Variants in ACYP2 observed in about 807,000 individuals in gnomAD.
ACYP2 encodes the protein acylphosphatase 2, also known as acylphosphatase-2.
Under a neutral mutation model 11.2 loss-of-function variants are expected in ACYP2, and 12 were observed. That is an observed-to-expected ratio of 1.08 (90% CI 0.69 to 1.74). The LOEUF (loss-of-function observed/expected upper bound fraction) is 1.74. Ranked by LOEUF, ACYP2 falls within the 40% of genes most tolerant of loss-of-function variation. ACYP2 has a pLI of 0.00. For synonymous variants in ACYP2, 43 were observed against 32.2 expected, an observed-to-expected ratio of 1.33 and a Z score of -1.13; for missense variants, 134 against 101.9, an observed-to-expected ratio of 1.31 and a Z score of -1.35.
At chr2:53,990,527 T>C (rs1558456459) in intron 2 of ACYP2, among the ~76,000 whole-genome samples, 2 of 150,750 alleles carry the variant, frequency 1.3e-5, no homozygotes. Flanking sequence ...CGGCCACCTG[T>C]AATCCCAGCT....
intron 5 of ACYP2, among the ~76,000 whole-genome samples, chr2:54,137,616 TC>T (rs1437871592): frequency 2.0e-5 from 3 of 152,212 alleles, no homozygotes; most frequent in Non-Finnish European, 2.9e-5. Context: ...ATGATCTCAT[TC>T]TTTTTTATGG....
intron 6 of ACYP2, chr2:54,255,860 G>C: frequency 1.9e-6 from 3 of 1,613,980 alleles, no homozygotes; most frequent in Non-Finnish European, 2.5e-6. Flanking sequence ...GCCGCTTCTA[G>C]GCCCTCCGCG....
chr2:54,024,697 T>C (rs1341548410), intron 2 of ACYP2, among the ~76,000 whole-genome samples: 1 of 152,146 alleles, frequency 6.6e-6, no homozygotes, highest in Admixed American at 6.6e-5. Flanking sequence ...ATGCCCTCTT[T>C]CACCACTTCT....
chr2:54,142,496 G>C (rs989295862), intron 6 of ACYP2: 1 of 152,226 alleles, frequency 6.6e-6, no homozygotes, highest in Non-Finnish European at 1.5e-5. Flanking sequence ...GCTGAGGCGG[G>C]CGGATCACTT....
chr2:54,106,052 G>A (rs1679139069), intron 4 of ACYP2, among the ~76,000 whole-genome samples: 1 of 152,022 alleles, frequency 6.6e-6, no homozygotes, highest in South Asian at 2.1e-4. Context: ...TAAAATGGAA[G>A]TTGGTATATA....
intron 2 of ACYP2, among the ~76,000 whole-genome samples, chr2:53,987,415 T>C (rs1672089260): frequency 6.6e-6 from 1 of 152,004 alleles, no homozygotes; most frequent in Non-Finnish European, 1.5e-5. Context: ...AGGCTCCTAA[T>C]TCCCATTTAG....
intron 6 of ACYP2, among the ~76,000 whole-genome samples, chr2:54,184,314 A>G (rs1302306787): frequency 6.6e-6 from 1 of 152,174 alleles, no homozygotes; most frequent in East Asian, 1.9e-4. Flanking sequence ...TGCCAGTTCT[A>G]AGCGCCACAT....
At chr2:54,233,130 T>C (rs934485680) in intron 6 of ACYP2, among the ~76,000 whole-genome samples, 2 of 152,112 alleles carry the variant, frequency 1.3e-5, no homozygotes, top group Non-Finnish European at 2.9e-5. Flanking sequence ...TTTTTTTCTT[T>C]ATTCTATTAA....
chr2:54,241,776 G>A lies in ACYP2; in HGVS notation c.405-62912G>A, dbSNP rs565024885. ...GCCTGTAATCCCAGCACTTTGGGAG[G>A]CCAAGGCAGGTGGATCACCTGAGGT... On this transcript the variant is annotated intron_variant, in intron 6 of 6. Coordinates refer to ENST00000607452, the MANE Select transcript of ACYP2 (RefSeq NM_001320586.2). 3.1e-4 allele frequency among the ~76,000 whole-genome samples: 47 copies of A among 152,320 alleles called. No homozygotes were observed. In the South Asian group the frequency reaches 9.1e-3, roughly 30 times the overall value.
chr2:54,183,527 G>A (rs950509088), intron 6 of ACYP2, among the ~76,000 whole-genome samples: 3 of 149,352 alleles, frequency 2.0e-5, no homozygotes, highest in Non-Finnish European at 3.0e-5. Context: ...GCGAGACCCG[G>A]TCTCAAAAAA....
chr2:54,059,649 T>C (rs1208619024), intron 4 of ACYP2, among the ~76,000 whole-genome samples: 1 of 152,254 alleles, frequency 6.6e-6, no homozygotes, highest in African/African-American at 2.4e-5. Context: ...GGTTGCTGTC[T>C]TGATTGTCAT....
At chr2:54,264,332 C>T (rs1051770210) in intron 6 of ACYP2, among the ~76,000 whole-genome samples, 6 of 152,102 alleles carry the variant, frequency 3.9e-5, no homozygotes, top group African/African-American at 1.2e-4. Flanking sequence ...AGCAGGTTGC[C>T]GCTGCTGGCT....
At chr2:54,079,048 G>C (rs1677505186) in intron 4 of ACYP2, among the ~76,000 whole-genome samples, 1 of 152,196 alleles carries the variant, frequency 6.6e-6, no homozygotes, top group Non-Finnish European at 1.5e-5. Flanking sequence ...TTTTGTAGTA[G>C]TATTAGAATC....
Position 54,250,660 on chromosome 2 carries a change from C to G in ACYP2, c.405-54028C>G, listed in dbSNP as rs138587922. Among the ~76,000 whole-genome samples, 733 of 152,280 alleles carry G rather than the reference C, an allele frequency of 4.8e-3. 11 individuals are homozygous for G. The highest frequency in any genetic ancestry group is 0.017 in the African/African-American group (697 of 41,548). ...TATGTTTCAAAGGCGGTAAGTTAAT[C>G]TTTTACATTATTGTTTTTATACTCT... is the stretch of plus-strand genomic sequence containing the variant. On this transcript the variant is annotated intron_variant, in intron 6 of 6. Transcript: ENST00000607452.
chr2:54,168,723 A>C (rs906878288), intron 6 of ACYP2, among the ~76,000 whole-genome samples: 1 of 152,226 alleles, frequency 6.6e-6, no homozygotes, highest in Non-Finnish European at 1.5e-5. Context: ...AAGAGCAGTG[A>C]AAATGAACAT....
intron 2 of ACYP2, chr2:53,975,196 A>T: frequency 2.6e-6 from 1 of 391,084 alleles, no homozygotes; most frequent in Non-Finnish European, 4.5e-6. Flanking sequence ...CTGCATTCCA[A>T]CCTGGCGACA....
intron 2 of ACYP2, among the ~76,000 whole-genome samples, chr2:54,027,153 A>G: frequency 6.6e-6 from 1 of 152,228 alleles, no homozygotes; most frequent in East Asian, 1.9e-4. Context: ...GGCTCAGAAC[A>G]TAATGTCCAG....
At chr2:54,083,750 C>T (rs556082470) in intron 4 of ACYP2, among the ~76,000 whole-genome samples, 8 of 152,242 alleles carry the variant, frequency 5.3e-5, no homozygotes, top group Non-Finnish European at 1.5e-5. Flanking sequence ...TACATCCCCC[C>T]AGACCCTGGG....
At chr2:54,180,447 C>T (rs2103867267) in intron 6 of ACYP2, among the ~76,000 whole-genome samples, 1 of 152,200 alleles carries the variant, frequency 6.6e-6, no homozygotes, top group South Asian at 2.1e-4. Context: ...TGGGGGTTGC[C>T]AGGCATCAGT....
Sources: allele counts gnomAD v4.1 joint callset (sites outside exome capture counted in the v4.1 genomes callset), GRCh38; gene constraint gnomAD v4.1.1; transcripts MANE v1.5; gene names NCBI Gene and HGNC (gene_info 2026-07-23, HGNC 2026-07-21).